GPC6: variants seen among roughly 807,000 people sequenced by gnomAD.
GPC6 encodes the protein glypican 6, also known as glypican-6.
GPC6 carries 14 observed loss-of-function variants against 55.2 expected under a neutral mutation model. The observed-to-expected ratio is 0.25, with a 90% CI of 0.17 to 0.40. The LOEUF (loss-of-function observed/expected upper bound fraction) is 0.40. Among genes scored for constraint, GPC6 ranks in the 10% least tolerant of loss-of-function variants. GPC6 has a pLI of 1.00. For missense variants in GPC6, 641 were observed against 708.5 expected (o/e 0.90, Z 1.08); for synonymous variants, 278 against 259.6 (o/e 1.07, Z -0.68).
chr13:94,261,465 T>A (rs1301009041), intron 4 of GPC6, among the ~76,000 whole-genome samples: 1 of 152,174 alleles, frequency 6.6e-6, no homozygotes, highest in Non-Finnish European at 1.5e-5. Context: ...TGTCTACTAG[T>A]TGGTTACCTA....
intron 3 of GPC6, among the ~76,000 whole-genome samples, chr13:93,977,588 G>T (rs1880585165): frequency 6.6e-6 from 1 of 151,330 alleles, no homozygotes; most frequent in Admixed American, 6.6e-5. Context: ...AACAGAACTT[G>T]TTGGAGAGAG....
intron 1 of GPC6, among the ~76,000 whole-genome samples, chr13:93,388,617 C>A (rs1875494603): frequency 6.6e-6 from 1 of 152,208 alleles, no homozygotes; most frequent in Non-Finnish European, 1.5e-5. Context: ...GGTGGCCTTA[C>A]ACTCAAATGA....
At chr13:93,540,076 T>C (rs7317039) in intron 1 of GPC6, among the ~76,000 whole-genome samples, 18,134 of 152,196 alleles carry the variant, frequency 0.12, 1,327 homozygotes, top group East Asian at 0.29. Flanking sequence ...CGATTTTTTT[T>C]GTGGTCTCAG....
At chr13:93,355,548 C>A (rs1187357707) in intron 1 of GPC6, among the ~76,000 whole-genome samples, 1 of 152,118 alleles carries the variant, frequency 6.6e-6, no homozygotes. Flanking sequence ...ATGGAGAGAT[C>A]CACAATAGAA....
chr13:93,858,807 A>C (rs1888713735), intron 3 of GPC6, among the ~76,000 whole-genome samples: 1 of 151,378 alleles, frequency 6.6e-6, no homozygotes, highest in South Asian at 2.1e-4. Flanking sequence ...AGGGAAGAAT[A>C]GGAGGAGAGT....
chr13:93,984,275 A>T (rs1880927839), intron 3 of GPC6, among the ~76,000 whole-genome samples: 1 of 152,080 alleles, frequency 6.6e-6, no homozygotes. Context: ...CTTTCTCTAC[A>T]TGTTTTGACA....
chr13:93,890,929 G>A (rs1292830672), intron 3 of GPC6, among the ~76,000 whole-genome samples: 2 of 151,534 alleles, frequency 1.3e-5, no homozygotes, highest in Admixed American at 6.6e-5. Flanking sequence ...TTATTAATGG[G>A]GCATTTGTTT....
chr13:93,695,626 T>G (rs1882424788), intron 2 of GPC6, among the ~76,000 whole-genome samples: 1 of 152,084 alleles, frequency 6.6e-6, no homozygotes, highest in Admixed American at 6.6e-5. Flanking sequence ...ATTTCTTAGA[T>G]TTTTTAAAAA....
At chr13:93,699,916 A>G (rs762782953) in intron 2 of GPC6, among the ~76,000 whole-genome samples, 58 of 152,190 alleles carry the variant, frequency 3.8e-4, no homozygotes, top group Non-Finnish European at 5.7e-4. Flanking sequence ...CATAAGCTGA[A>G]CAAACCTATG....
intron 2 of GPC6, among the ~76,000 whole-genome samples, chr13:93,579,676 G>T (rs976813678): frequency 1.7e-4 from 26 of 152,280 alleles, no homozygotes; most frequent in Non-Finnish European, 2.9e-4. Context: ...TGAGAAAGGA[G>T]ACTTGATTAA....
At chr13:93,560,786 T>G (rs1875742056) in intron 2 of GPC6, among the ~76,000 whole-genome samples, 1 of 151,182 alleles carries the variant, frequency 6.6e-6, no homozygotes, top group Non-Finnish European at 1.5e-5. Context: ...AAAAAAAGAA[T>G]TTTGCTCAAT....
intron 2 of GPC6, among the ~76,000 whole-genome samples, chr13:93,640,740 C>CCT (rs1292033749): frequency 5.6e-5 from 6 of 107,384 alleles, no homozygotes; most frequent in East Asian, 8.2e-4. Flanking sequence ...TCCCTCCCTC[C>CCT]TCCCCACTTT....
At chr13:93,979,318 TTTGTGTGTGTTTTTTTGTG>T (rs1880674969) in intron 3 of GPC6, among the ~76,000 whole-genome samples, 1 of 139,100 alleles carries the variant, frequency 7.2e-6, no homozygotes, top group Non-Finnish European at 1.6e-5. Flanking sequence ...TGTGTGTGTG[TTTGTGTGTGTTTTTTTGTG>T]TGTGTGTGTT....
intron 3 of GPC6, chr13:93,831,031 C>A: frequency 6.3e-6 from 1 of 158,438 alleles, no homozygotes; most frequent in Non-Finnish European, 1.4e-5. Flanking sequence ...GTCAATGTGG[C>A]CAAATTCCTT....
intron 2 of GPC6, among the ~76,000 whole-genome samples, chr13:93,710,889 G>T (rs1273896832): frequency 1.3e-5 from 2 of 151,670 alleles, no homozygotes; most frequent in Non-Finnish European, 2.9e-5. Flanking sequence ...ATTATAAATT[G>T]TAATTAAAAC....
chr13:94,359,264 A>C (rs140246572), intron 6 of GPC6, among the ~76,000 whole-genome samples: 1 of 152,348 alleles, frequency 6.6e-6, no homozygotes, highest in Non-Finnish European at 1.5e-5. Flanking sequence ...AAATAAAATG[A>C]AAACTATTTT....
chr13:93,406,234 C>A (rs568310640), intron 1 of GPC6, among the ~76,000 whole-genome samples: 2 of 152,214 alleles, frequency 1.3e-5, no homozygotes, highest in Admixed American at 6.5e-5. Context: ...TCATGCCACA[C>A]GATCAGTTAA....
intron 2 of GPC6, among the ~76,000 whole-genome samples, chr13:93,687,590 G>A (rs1882094884): frequency 6.6e-6 from 1 of 151,992 alleles, no homozygotes; most frequent in Non-Finnish European, 1.5e-5. Context: ...TGACTTATTT[G>A]CTTAATCTCT....
chr13:93,956,687 T>A (rs917881072), intron 3 of GPC6, among the ~76,000 whole-genome samples: 2 of 152,324 alleles, frequency 1.3e-5, no homozygotes, highest in African/African-American at 4.8e-5. Context: ...AAGAGCCACA[T>A]TTTTCAAATG....
Sources: gnomAD v4.1 joint callset for allele counts (sites outside exome capture counted in the v4.1 genomes callset) on GRCh38, gnomAD v4.1.1 for gene constraint, MANE v1.5 for transcripts, NCBI Gene and HGNC (gene_info 2026-07-23, HGNC 2026-07-21) for gene names.